FSD1L: variants seen among roughly 807,000 people sequenced by gnomAD.
FSD1L encodes the protein FSD1-like protein.
In FSD1L, 45 loss-of-function variants were observed where a neutral mutation model predicts 71.6. The ratio of observed to expected loss-of-function variants is 0.63; its 90% confidence interval spans 0.49 to 0.81. FSD1L has a LOEUF of 0.81. FSD1L is among the 30% of genes least tolerant of loss of function. The pLI, the probability that FSD1L is intolerant of heterozygous loss-of-function variation, is 0.00. For missense variants in FSD1L, 561 were observed against 618.1 expected, an observed-to-expected ratio of 0.91 and a Z score of 0.98; for synonymous variants, 197 against 207.2, an observed-to-expected ratio of 0.95 and a Z score of 0.42.
At chr9:105,530,233 G>A (rs769832477) in intron 10 of FSD1L, among the ~76,000 whole-genome samples, 1 of 152,182 alleles carries the variant, frequency 6.6e-6, no homozygotes, top group South Asian at 2.1e-4. Flanking sequence ...CAGACTAGAG[G>A]TAGCTGAAGA....
At chr9:105,518,538 G>C (rs1834888093) in intron 10 of FSD1L, among the ~76,000 whole-genome samples, 1 of 152,292 alleles carries the variant, frequency 6.6e-6, no homozygotes. Flanking sequence ...TGTGGAAACT[G>C]AACAACCTGC....
At chr9:105,509,621 G>T (rs10991677) in intron 9 of FSD1L, among the ~76,000 whole-genome samples, 18,655 of 149,726 alleles carry the variant, frequency 0.12, 1,530 homozygotes, top group East Asian at 0.48. Context: ...GATTGGATTT[G>T]GAGGATGACA....
chr9:105,516,780 A>C (rs960615686), intron 10 of FSD1L, among the ~76,000 whole-genome samples: 1 of 152,228 alleles, frequency 6.6e-6, no homozygotes, highest in African/African-American at 2.4e-5. Flanking sequence ...CCAAAGGATC[A>C]CAGCTCCTTG....
chr9:105,543,121 T>C (rs1589116853), intron 13 of FSD1L, among the ~76,000 whole-genome samples: 2 of 152,150 alleles, frequency 1.3e-5, no homozygotes, highest in East Asian at 3.8e-4. Flanking sequence ...CCTGTTAGTT[T>C]TGAAAATTTA....
At chr9:105,508,568 T>C (rs1359299595) in intron 8 of FSD1L, 49 bp from the exon 9 acceptor site, 11 of 1,071,378 alleles carry the variant, frequency 1.0e-5, no homozygotes, top group African/African-American at 1.6e-5. Flanking sequence ...CTTTTGGGAA[T>C]AGAATCCTTT....
intron 7 of FSD1L, chr9:105,500,533 T>A (rs1444947580): frequency 6.6e-6 from 1 of 152,182 alleles, no homozygotes; most frequent in Non-Finnish European, 1.5e-5. Flanking sequence ...CCCAACAGAT[T>A]AGACTATGAT....
Position 105,549,523 on chromosome 9 carries a change from C to T in FSD1L, c.*3040C>T, listed in dbSNP as rs1837181373. 1 of 152,088 alleles carries T rather than the reference C, an allele frequency of 6.6e-6. No individual in the cohort carries two copies. The highest frequency in any genetic ancestry group is 3.4e-3 in the Middle Eastern group (1 of 292). 9.4% of individuals were successfully genotyped at this position (152,088 alleles called of 1,614,324 possible). A position where few individuals can be genotyped will look rare whatever the true frequency, so the allele number is the denominator to read the frequency against. On this transcript the variant is annotated 3_prime_UTR_variant, in exon 14 of 14. Transcript: ENST00000481272. ...GACATGCCTGTCTATACATGGGTTT[C>T]ATTGATGGTATCTGTATCATCTTGA...
At chr9:105,442,580 C>T in the FSD1L span, among the ~76,000 whole-genome samples, 7 of 151,794 alleles carry the variant, frequency 4.6e-5, no homozygotes, top group African/African-American at 9.7e-5. Flanking sequence ...CCCAGCTACT[C>T]GGCAGGCTGA....
chr9:105,531,963 C>G (rs1835921426), intron 10 of FSD1L, among the ~76,000 whole-genome samples: 1 of 152,124 alleles, frequency 6.6e-6, no homozygotes, highest in Admixed American at 6.6e-5. Flanking sequence ...TTAAGAAAAG[C>G]AACAGCATGG....
At chr9:105,543,501 G>A (rs57432946) in intron 13 of FSD1L, among the ~76,000 whole-genome samples, 1 of 151,898 alleles carries the variant, frequency 6.6e-6, no homozygotes, top group Non-Finnish European at 1.5e-5. Flanking sequence ...TGTTATATAT[G>A]TATACATGTG....
intron 9 of FSD1L, among the ~76,000 whole-genome samples, chr9:105,509,922 G>A (rs1213468920): frequency 3.3e-5 from 5 of 152,166 alleles, no homozygotes; most frequent in Non-Finnish European, 5.9e-5. Flanking sequence ...AACTTGAACT[G>A]TTTTTAGCCC....
rs1835157576 is a variant in FSD1L at position 105,521,555 on chromosome 9, A to AG, written c.1025+8620dup. 2.5e-6 allele frequency: 4 copies of AG among 1,613,790 alleles called. No individual in the cohort carries two copies. In the African/African-American group the frequency reaches 4.0e-5, roughly 16 times the overall value. ...CAGCAGCTATGAGAAAAGTGGTAAA[A>AG]GTATATCAAGAATGGATCCAACAAG... On this transcript the variant is annotated intron_variant, in intron 10 of 13. Coordinates refer to ENST00000481272, the MANE Select transcript of FSD1L (RefSeq NM_001145313.3).
At position 105,448,057 on chromosome 9, in the gene FSD1L, T is replaced by C. The variant is rs1253607836; in HGVS notation, c.-164T>C. 1.3e-6 allele frequency: 1 copy of C among 749,954 alleles called. No homozygotes were observed. Among genetic ancestry groups the C allele is most frequent in the East Asian group, 3.2e-5 (1 of 31,120 alleles). The allele number at this position is 749,954 out of a possible 1,614,324, so 46.5% of individuals were successfully genotyped here. ...CCCTTTCACCCTGGCAACCGCGGCG[T>C]GACTACGGCGCGCGCGGTCTGGGCG... On this transcript the variant is annotated 5_prime_UTR_variant, in exon 1 of 14. Transcript: ENST00000481272.
chr9:105,546,430 G>C lies in FSD1L; in HGVS notation c.1540G>C (p.Glu514Gln). The change falls in exon 14 of 14, where the codon GAA becomes CAA. Residue 514 changes from glutamate to glutamine, a missense_variant. This residue lies in a region of FSD1L where 98 missense variants were observed against 102.3 expected (regional missense o/e 0.96). Coordinates refer to ENST00000481272, the MANE Select transcript of FSD1L (RefSeq NM_001145313.3). ...PSAVRTLQKS[E>Q]NGMTGSASSL... ...TGCTGTGAGAACACTTCAGAAAAGTGAAAATGGAATGACTGGTTCAGCTAG... is the reference window on the plus strand; with the variant it reads ...TGCTGTGAGAACACTTCAGAAAAGTCAAAATGGAATGACTGGTTCAGCTAG... 1 of 1,550,300 alleles carries C rather than the reference G, an allele frequency of 6.5e-7. No individual in the cohort carries two copies. The highest frequency in any genetic ancestry group is 2.4e-5 in the East Asian group (1 of 40,844).
At chr9:105,464,770 A>T (rs1830945324) in intron 3 of FSD1L, among the ~76,000 whole-genome samples, 2 of 152,034 alleles carry the variant, frequency 1.3e-5, no homozygotes, top group African/African-American at 4.8e-5. Flanking sequence ...CAGGAGTTTG[A>T]AACCAGCTTG....
intron 3 of FSD1L, among the ~76,000 whole-genome samples, chr9:105,467,633 G>A (rs1422564724): frequency 6.6e-6 from 1 of 152,070 alleles, no homozygotes; most frequent in Admixed American, 6.5e-5. Flanking sequence ...AATATCTTAG[G>A]ATCCAATAAA....
At chr9:105,453,519 G>A (rs1830182896) in intron 1 of FSD1L, among the ~76,000 whole-genome samples, 1 of 152,146 alleles carries the variant, frequency 6.6e-6, no homozygotes, top group South Asian at 2.1e-4. Flanking sequence ...GTGCGTGTGT[G>A]TGCATGTCTG....
chr9:105,514,012 A>C lies in FSD1L; in HGVS notation c.1025+1076A>C, dbSNP rs78312569. ...TGTATTTGACACACAGCAGGTTTGA[A>C]GAGTTCTCTGTTTTATAATAATTAG... On this transcript the variant is annotated intron_variant, in intron 10 of 13. Coordinates refer to ENST00000481272, the MANE Select transcript of FSD1L (RefSeq NM_001145313.3). Among the ~76,000 whole-genome samples, 1,402 of 152,318 alleles carry C rather than the reference A, an allele frequency of 9.2e-3. 22 individuals are homozygous for C. The highest frequency in any genetic ancestry group is 0.032 in the African/African-American group (1,343 of 41,570).
chr9:105,495,335 T>G (rs1380332032), intron 7 of FSD1L, among the ~76,000 whole-genome samples: 1 of 152,132 alleles, frequency 6.6e-6, no homozygotes, highest in Non-Finnish European at 1.5e-5. Flanking sequence ...TGGTGCGCTG[T>G]TTTTAAAGCC....
Sources: allele counts gnomAD v4.1 joint callset (sites outside exome capture counted in the v4.1 genomes callset), GRCh38; gene constraint gnomAD v4.1.1; regional missense constraint gnomAD v4.1.1; transcripts MANE v1.5; gene names NCBI Gene and HGNC (gene_info 2026-07-23, HGNC 2026-07-21).